Variants in GPM6B observed in about 807,000 individuals in gnomAD.
GPM6B encodes the protein neuronal membrane glycoprotein M6-b.
In GPM6B, 4 loss-of-function variants were observed where a neutral mutation model predicts 27.2. That is an observed-to-expected ratio of 0.15 (90% CI 0.07 to 0.34). The LOEUF (loss-of-function observed/expected upper bound fraction) is 0.34, where lower values mean the gene tolerates loss of function less well. Ranked by LOEUF, GPM6B falls within the 10% of genes least tolerant of loss-of-function variation. GPM6B has a pLI of 1.00. For synonymous variants in GPM6B, 124 were observed against 103.1 expected, an observed-to-expected ratio of 1.20 and a Z score of -1.23; for missense variants, 183 against 261.9, an observed-to-expected ratio of 0.70 and a Z score of 2.08.
At chrX:13,916,056 A>G (rs1247692667) in intron 1 of GPM6B, among the ~76,000 whole-genome samples, 1 of 112,018 alleles carries the variant, frequency 8.9e-6, no homozygotes, top group Non-Finnish European at 1.9e-5. Flanking sequence ...CAGCTGCTCT[A>G]TCCAACCTCA....
At chrX:13,879,593 C>T (rs2050073422) in intron 1 of GPM6B, among the ~76,000 whole-genome samples, 1 of 112,385 alleles carries the variant, frequency 8.9e-6, no homozygotes, top group Admixed American at 9.4e-5. Flanking sequence ...ACATGAATAG[C>T]TTCAAACACA....
chrX:13,918,468 G>A (rs2050448269), intron 1 of GPM6B, among the ~76,000 whole-genome samples: 1 of 112,199 alleles, frequency 8.9e-6, no homozygotes, highest in African/African-American at 3.2e-5. Context: ...AGCATGTATA[G>A]AGACATTTCC....
intron 1 of GPM6B, chrX:13,889,154 T>C (rs1569288193): frequency 9.0e-6 from 1 of 111,425 alleles, no homozygotes; most frequent in Non-Finnish European, 1.9e-5. Flanking sequence ...TTAATAATTA[T>C]AAAACTACTC....
At chrX:13,863,053 T>C (rs1019766407) in intron 1 of GPM6B, among the ~76,000 whole-genome samples, 1 of 111,339 alleles carries the variant, frequency 9.0e-6, no homozygotes, top group African/African-American at 3.3e-5. Flanking sequence ...CTTAAAATAA[T>C]CTCCCCTCTC....
At chrX:13,910,459 G>A (rs951013421) in intron 1 of GPM6B, among the ~76,000 whole-genome samples, 1 of 113,091 alleles carries the variant, frequency 8.8e-6, no homozygotes. Flanking sequence ...GTCAAACACG[G>A]TGGACTCTGA....
intron 1 of GPM6B, among the ~76,000 whole-genome samples, chrX:13,932,296 T>C (rs890067180): frequency 3.6e-5 from 4 of 111,821 alleles, no homozygotes; most frequent in African/African-American, 9.8e-5. Flanking sequence ...CTGGACACCC[T>C]GACCCCTATC....
chrX:13,858,937 G>A (rs757172437), intron 1 of GPM6B, among the ~76,000 whole-genome samples: 23 of 112,024 alleles, frequency 2.1e-4, no homozygotes, highest in African/African-American at 6.5e-4. Context: ...TGTATGAAGC[G>A]TGCTCAATAG....
chrX:13,885,012 G>A (rs1273898448), intron 1 of GPM6B, among the ~76,000 whole-genome samples: 4 of 111,713 alleles, frequency 3.6e-5, no homozygotes, highest in African/African-American at 1.3e-4. Flanking sequence ...CATTTGTTGG[G>A]CATCTCTATA....
At chrX:13,776,583 A>G (rs2048416949) in intron 6 of GPM6B, among the ~76,000 whole-genome samples, 1 of 112,065 alleles carries the variant, frequency 8.9e-6, no homozygotes, top group Non-Finnish European at 1.9e-5. Flanking sequence ...TGGCTGTAAC[A>G]TGCAGCCACG....
chrX:13,921,669 G>A, intron 1 of GPM6B, among the ~76,000 whole-genome samples: 1 of 106,897 alleles, frequency 9.4e-6, no homozygotes. Context: ...TCCGCCTCGC[G>A]AGTTCAAGCA....
At chrX:13,930,285 A>G (rs745737605) in intron 1 of GPM6B, among the ~76,000 whole-genome samples, 1 of 112,124 alleles carries the variant, frequency 8.9e-6, no homozygotes, top group Non-Finnish European at 1.9e-5. Flanking sequence ...TGATCAAGAA[A>G]AATAATGAGA....
chrX:13,774,813 A>G (rs189241342), intron 7 of GPM6B, among the ~76,000 whole-genome samples: 6 of 112,259 alleles, frequency 5.3e-5, no homozygotes, highest in African/African-American at 1.9e-4. Flanking sequence ...TGTACAATGT[A>G]AGTCATTGGT....
chrX:13,880,453 G>A (rs1345694282), intron 1 of GPM6B, among the ~76,000 whole-genome samples: 2 of 109,860 alleles, frequency 1.8e-5, no homozygotes, highest in African/African-American at 3.3e-5. Context: ...AGGCGGGCGG[G>A]TCACCAGGTC....
chrX:13,796,562 T>C (rs765602670), intron 2 of GPM6B, among the ~76,000 whole-genome samples: 45 of 112,102 alleles, frequency 4.0e-4, no homozygotes, highest in African/African-American at 1.4e-3. Context: ...AAGTGCGAAA[T>C]CAAATATAGG....
intron 1 of GPM6B, among the ~76,000 whole-genome samples, chrX:13,929,017 A>G (rs1361207619): frequency 8.9e-6 from 1 of 112,047 alleles, no homozygotes; most frequent in Non-Finnish European, 1.9e-5. Context: ...TCTCAAACAC[A>G]TGAACAAACG....
At chrX:13,907,330 T>C (rs1167988260) in intron 1 of GPM6B, among the ~76,000 whole-genome samples, 3 of 112,383 alleles carry the variant, frequency 2.7e-5, no homozygotes, top group Admixed American at 9.4e-5. Flanking sequence ...TGAGGGGTAA[T>C]ACCAGGATTT....
intron 1 of GPM6B, among the ~76,000 whole-genome samples, chrX:13,815,001 C>G (rs1450174589): frequency 8.9e-6 from 1 of 112,017 alleles, no homozygotes; most frequent in East Asian, 2.8e-4. Flanking sequence ...AAAATCACAA[C>G]TAATGACTTT....
chrX:13,804,797 T>A (rs200323013), intron 2 of GPM6B, among the ~76,000 whole-genome samples: 4 of 65,724 alleles, frequency 6.1e-5, no homozygotes, highest in East Asian at 5.7e-4. Flanking sequence ...TGCAAAAAAA[T>A]TAATAAAAAA....
At chrX:13,866,102 G>A (rs1383323422) in intron 1 of GPM6B, among the ~76,000 whole-genome samples, 13 of 111,935 alleles carry the variant, frequency 1.2e-4, no homozygotes, top group Admixed American at 2.8e-4. Context: ...AGTGGCTCAC[G>A]CCTGTAATCC....
Sources: allele counts gnomAD v4.1 joint callset (sites outside exome capture counted in the v4.1 genomes callset), GRCh38; gene constraint gnomAD v4.1.1; transcripts MANE v1.5; gene names NCBI Gene and HGNC (gene_info 2026-07-23, HGNC 2026-07-21).